ANKDD1B: variants seen among roughly 807,000 people sequenced by gnomAD.
ANKDD1B encodes ankyrin repeat and death domain containing 1B, also known as ankyrin repeat and death domain-containing protein 1B.
A neutral mutation model predicts 59.7 loss-of-function variants in ANKDD1B; 57 were observed. The ratio of observed to expected loss-of-function variants is 0.95; its 90% CI spans 0.77 to 1.19. The LOEUF (loss-of-function observed/expected upper bound fraction) is 1.19. ANKDD1B is among the 50% of genes most tolerant of loss of function. The pLI is 0.00. For missense variants in ANKDD1B, 602 were observed against 641.9 expected (o/e 0.94, Z 0.67); for synonymous variants, 216 against 239.5 (o/e 0.90, Z 0.91).
At chr5:75,657,762 G>T (rs891570459) in intron 9 of ANKDD1B, among the ~76,000 whole-genome samples, 98 of 152,094 alleles carry the variant, frequency 6.4e-4, no homozygotes, top group Non-Finnish European at 2.2e-4. Flanking sequence ...CAAAAAATTA[G>T]CTGGGCGCCT....
intron 5 of ANKDD1B, among the ~76,000 whole-genome samples, chr5:75,626,420 G>A (rs906749709): frequency 2.6e-5 from 4 of 152,096 alleles, no homozygotes; most frequent in African/African-American, 9.7e-5. Context: ...TACTTAACGA[G>A]TATCTATTAA....
chr5:75,613,790 C>T (rs1388372582), intron 1 of ANKDD1B, among the ~76,000 whole-genome samples: 1 of 152,156 alleles, frequency 6.6e-6, no homozygotes, highest in Non-Finnish European at 1.5e-5. Flanking sequence ...GCTTTTCCTG[C>T]AGCAATAAAT....
At chr5:75,650,593 A>G (rs1278121037) in intron 7 of ANKDD1B, among the ~76,000 whole-genome samples, 1 of 152,186 alleles carries the variant, frequency 6.6e-6, no homozygotes, top group Admixed American at 6.5e-5. Context: ...GAAAACTAAT[A>G]TAGGGGCCAT....
chr5:75,626,638 C>A (rs1219088501), intron 5 of ANKDD1B, among the ~76,000 whole-genome samples: 1 of 152,218 alleles, frequency 6.6e-6, no homozygotes, highest in Non-Finnish European at 1.5e-5. Flanking sequence ...AAAAGTCTCA[C>A]AACTAAAAAG....
chr5:75,623,710 G>T (rs137862037), intron 3 of ANKDD1B, among the ~76,000 whole-genome samples: 2 of 152,122 alleles, frequency 1.3e-5, no homozygotes, highest in Non-Finnish European at 2.9e-5. Context: ...CCTGTGTATT[G>T]TAGGATGTTT....
chr5:75,632,453 A>G (rs545680354), intron 5 of ANKDD1B, among the ~76,000 whole-genome samples: 52 of 152,312 alleles, frequency 3.4e-4, no homozygotes, highest in South Asian at 1.5e-3. Context: ...ATGGCTCTAG[A>G]ATAAAAATAG....
intron 9 of ANKDD1B, 22 bp from the exon 10 acceptor site, chr5:75,659,261 C>T (rs1326465698): frequency 1.3e-6 from 2 of 1,514,332 alleles, no homozygotes; most frequent in African/African-American, 1.4e-5. Context: ...CAAGTTTGTT[C>T]CCCTCCTTAA....
chr5:75,612,486 T>C (rs1164788724), intron 1 of ANKDD1B, among the ~76,000 whole-genome samples: 2 of 151,992 alleles, frequency 1.3e-5, no homozygotes, highest in Non-Finnish European at 2.9e-5. Context: ...GGGCACACCA[T>C]CCAAGCCTAC....
intron 1 of ANKDD1B, among the ~76,000 whole-genome samples, chr5:75,616,404 C>CGT (rs1773717087): frequency 6.6e-6 from 1 of 152,164 alleles, no homozygotes; most frequent in Non-Finnish European, 1.5e-5. Context: ...GTTCTGAAGA[C>CGT]AACAGTTTTA....
chr5:75,623,355 G>A (rs968530485), intron 3 of ANKDD1B, among the ~76,000 whole-genome samples: 1 of 152,090 alleles, frequency 6.6e-6, no homozygotes, highest in South Asian at 2.1e-4. Flanking sequence ...AGGAGCCACC[G>A]TGCCTGGCCT....
chr5:75,648,270 A>AAAAAAAAAAAATAAAAAAAAAAAAAATT (rs1554068887), intron 7 of ANKDD1B, among the ~76,000 whole-genome samples: 2 of 88,104 alleles, frequency 2.3e-5, no homozygotes, highest in Non-Finnish European at 3.9e-5. Flanking sequence ...AAAAAATTAA[A>AAAAAAAAAAAATAAAAAAAAAAAAAATT]AAAAAAAAAA....
intron 9 of ANKDD1B, among the ~76,000 whole-genome samples, chr5:75,656,757 G>GT (rs1461846718): frequency 2.0e-5 from 3 of 152,096 alleles, no homozygotes; most frequent in Non-Finnish European, 2.9e-5. Flanking sequence ...ATGTAGGGGA[G>GT]TGGGAAGAGG....
intron 5 of ANKDD1B, 31 bp downstream of exon 5, chr5:75,625,986 A>G (rs1273915436): frequency 7.2e-7 from 1 of 1,395,510 alleles, no homozygotes; most frequent in East Asian, 2.5e-5. Flanking sequence ...TAGGTCTTGC[A>G]TACACCCCTA....
intron 10 of ANKDD1B, among the ~76,000 whole-genome samples, chr5:75,660,693 G>A (rs73763328): frequency 3.4e-4 from 52 of 152,284 alleles, no homozygotes; most frequent in African/African-American, 1.2e-3. Flanking sequence ...AGGTGCTCAC[G>A]CAGGCCATAT....
chr5:75,619,317 CTTG>C (rs762320779), intron 2 of ANKDD1B, among the ~76,000 whole-genome samples: 4 of 152,196 alleles, frequency 2.6e-5, no homozygotes, highest in Non-Finnish European at 5.9e-5. Context: ...CTGGCGTCAG[CTTG>C]TTGTTGAACT....
Position 75,659,303 on chromosome 5 carries a change from T to A in ANKDD1B, c.1017T>A (p.His339Gln). The A allele has an allele frequency of 6.5e-7, 1 of 1,535,972 alleles. No individual in the cohort carries two copies. The highest frequency in any genetic ancestry group is 8.7e-7 in the Non-Finnish European group (1 of 1,146,764). Residue 339 changes from histidine to glutamine, a missense_variant, in exon 10 of 14, where the codon CAT becomes CAA. By Grantham distance (24) the His-to-Gln change is conservative. Around this residue, in one of 3 missense-constraint regions of ANKDD1B, gnomAD observed 280 missense variants for 319.8 expected, o/e 0.88. Transcript: ENST00000601380. The stretch of plus-strand genomic sequence containing the variant: ...GGCAGAAGCAGCAAACCCCTCTGCA[T>A]GTAGCTGCTGATCGTGGAAATGTGG... ...ILNQKQQTPL[H>Q]VAADRGNVEL...
At chr5:75,631,021 C>T (rs539873102) in intron 5 of ANKDD1B, among the ~76,000 whole-genome samples, 41 of 152,258 alleles carry the variant, frequency 2.7e-4, no homozygotes, top group African/African-American at 8.2e-4. Flanking sequence ...ATCACTGTGA[C>T]GACAGGGTTA....
intron 3 of ANKDD1B, among the ~76,000 whole-genome samples, chr5:75,621,160 G>A (rs1431187266): frequency 1.3e-5 from 2 of 152,210 alleles, no homozygotes; most frequent in African/African-American, 4.8e-5. Context: ...GTGGGGCTTG[G>A]CTTGGGGGAG....
chr5:75,627,522 G>C (rs1162983598), intron 5 of ANKDD1B, among the ~76,000 whole-genome samples: 4 of 152,170 alleles, frequency 2.6e-5, no homozygotes, highest in East Asian at 3.8e-4. Flanking sequence ...AGTGTTCACT[G>C]TTGTAACAAT....
Sources: gnomAD v4.1 joint callset for allele counts (sites outside exome capture counted in the v4.1 genomes callset) on GRCh38, gnomAD v4.1.1 for gene constraint, gnomAD v4.1.1 regional missense constraint, MANE v1.5 for transcripts, NCBI Gene and HGNC (gene_info 2026-07-23, HGNC 2026-07-21) for gene names.